The following USP34 variants were observed in gnomAD, a reference collection of about 807,000 sequenced individuals.
USP34 encodes ubiquitin carboxyl-terminal hydrolase 34.
A neutral mutation model predicts 460.3 loss-of-function variants in USP34; 70 were observed. The observed-to-expected ratio is 0.15, with a 90% CI of 0.13 to 0.19. The LOEUF (loss-of-function observed/expected upper bound fraction) is 0.19. Among genes scored for constraint, USP34 ranks in the 10% least tolerant of loss-of-function variants. The pLI is 1.00. For synonymous variants in USP34, 1,647 were observed against 1,405.3 expected, an observed-to-expected ratio of 1.17 and a Z score of -3.85; for missense variants, 3,985 against 4,236.2, an observed-to-expected ratio of 0.94 and a Z score of 1.65.
chr2:61,208,825 T>C, intron 70 of USP34, 74 bp downstream of exon 70: 1 of 1,122,664 alleles, frequency 8.9e-7, no homozygotes, highest in East Asian at 2.7e-5. Flanking sequence ...AAACTCTAAA[T>C]GTCTATAAAG....
chr2:61,418,455 C>T (rs1029509714), intron 2 of USP34, among the ~76,000 whole-genome samples: 1 of 152,100 alleles, frequency 6.6e-6, no homozygotes, highest in East Asian at 1.9e-4. Flanking sequence ...AATTTATGAC[C>T]ACTAATAATC....
At chr2:61,192,831 G>A in intron 76 of USP34, 70 bp downstream of exon 76, 1 of 1,340,824 alleles carries the variant, frequency 7.5e-7, no homozygotes, top group Non-Finnish European at 1.0e-6. Context: ...TCAACCCACT[G>A]TTCCTAAAAT....
intron 10 of USP34, among the ~76,000 whole-genome samples, chr2:61,359,372 G>A (rs1007371145): frequency 1.3e-5 from 2 of 152,018 alleles, no homozygotes; most frequent in African/African-American, 4.8e-5. Context: ...AATGGTGTTA[G>A]GAAAACTGAA....
intron 18 of USP34, among the ~76,000 whole-genome samples, chr2:61,338,311 A>C (rs1381866951): frequency 6.6e-6 from 1 of 152,228 alleles, no homozygotes; most frequent in Non-Finnish European, 1.5e-5. Flanking sequence ...ATGGAGCAAG[A>C]CTCCATGTCC....
chr2:61,340,482 A>G (rs1313060571), intron 16 of USP34, among the ~76,000 whole-genome samples: 2 of 152,190 alleles, frequency 1.3e-5, no homozygotes, highest in Non-Finnish European at 2.9e-5. Context: ...TGCTGAAAAG[A>G]TTTCCAAAGA....
At chr2:61,401,139 G>C (rs1236721125) in intron 3 of USP34, among the ~76,000 whole-genome samples, 1 of 108,626 alleles carries the variant, frequency 9.2e-6, no homozygotes, top group Non-Finnish European at 1.7e-5. Flanking sequence ...GACCAAGCAA[G>C]ACTCTGTCTC....
chr2:61,193,884 G>A (rs968439466), intron 75 of USP34, among the ~76,000 whole-genome samples: 3 of 152,214 alleles, frequency 2.0e-5, no homozygotes, highest in Non-Finnish European at 4.4e-5. Context: ...ACCCTGCTGA[G>A]GCAGTGTGAA....
chr2:61,348,030 T>C lies in USP34; in HGVS notation c.2125A>G (p.Met709Val), dbSNP rs1396832259. 20 of 1,614,070 alleles carry C rather than the reference T, an allele frequency of 1.2e-5. No homozygotes were observed. Among genetic ancestry groups the C allele is most frequent in the Non-Finnish European group, 1.4e-5 (17 of 1,180,034 alleles). ...EDPEHDISGE[M>V]NATHIAQGSQ... ...CCTTGTGCTATATGAGTAGCATTCA[T>C]TTCCCCTGAAATATCATGTTCTGGG... Residue 709 changes from methionine (M) to valine (V), a missense_variant, in exon 15 of 80, where the codon ATG (methionine) becomes GTG (valine). By Grantham distance (21) the Met-to-Val change is conservative (BLOSUM62 1). Coordinates refer to ENST00000398571, the MANE Select transcript of USP34 (RefSeq NM_014709.4).
At chr2:61,195,487 C>T (rs1330415405) in intron 75 of USP34, among the ~76,000 whole-genome samples, 1 of 151,134 alleles carries the variant, frequency 6.6e-6, no homozygotes, top group Admixed American at 6.6e-5. Context: ...GCCTGACCAA[C>T]ATGGTGAAAC....
rs146749978 is a variant in USP34, at chr2:61,429,208, G to T, written c.44-8375C>A. Among the ~76,000 whole-genome samples the T allele has an allele frequency of 6.0e-3, 911 of 152,196 alleles. 9 individuals carry two copies. Among genetic ancestry groups the T allele is most frequent in the African/African-American group, 0.021 (866 of 41,542 alleles). On this transcript the variant is annotated intron_variant, in intron 1 of 79. Coordinates refer to ENST00000398571, the MANE Select transcript of USP34 (RefSeq NM_014709.4). Reference sequence around the variant, plus strand: ...CACGCCTGTAATCCCAGCACTTTGGGAGGCCGAGGCAGGCGGATCACGAGG... The same window carrying T: ...CACGCCTGTAATCCCAGCACTTTGGTAGGCCGAGGCAGGCGGATCACGAGG...
chr2:61,220,257 A>G (rs1370895533), intron 67 of USP34, 53 bp downstream of exon 67: 20 of 1,517,154 alleles, frequency 1.3e-5, no homozygotes, highest in Admixed American at 8.2e-5. Context: ...AAAATGAAAC[A>G]TAACTTTGAA....
At position 61,204,481 on chromosome 2, in the gene USP34, CTAGA is replaced by C; in HGVS notation, c.9259+12_9259+15del. 1 of 1,612,266 alleles carries C rather than the reference CTAGA, an allele frequency of 6.2e-7. No homozygotes were observed. Among genetic ancestry groups the C allele is most frequent in the Non-Finnish European group, 8.5e-7 (1 of 1,178,398 alleles). On this transcript the variant is annotated intron_variant, in intron 73 of 79. Coordinates refer to ENST00000398571, the MANE Select transcript of USP34 (RefSeq NM_014709.4). ...ATGCGAACCATATTGAAGTACTGTGCTAGATAAATACGTACTTGGTATATTACTG... is the reference window on the plus strand; with the variant it reads ...ATGCGAACCATATTGAAGTACTGTGCTAAATACGTACTTGGTATATTACTG...
chr2:61,302,787 C>A (rs1690268670), intron 27 of USP34, among the ~76,000 whole-genome samples: 2 of 152,192 alleles, frequency 1.3e-5, no homozygotes, highest in South Asian at 2.1e-4. Flanking sequence ...TTGAATTTTT[C>A]TCCCAGGACT....
intron 43 of USP34, 61 bp downstream of exon 43, chr2:61,265,336 T>C: frequency 1.2e-5 from 19 of 1,529,686 alleles, no homozygotes; most frequent in Non-Finnish European, 1.7e-5. Flanking sequence ...AATAAAAATT[T>C]ATCAACAAAA....
intron 1 of USP34, among the ~76,000 whole-genome samples, chr2:61,451,845 AAAATT>A (rs958681231): frequency 6.6e-5 from 10 of 152,170 alleles, no homozygotes; most frequent in African/African-American, 2.4e-4. Flanking sequence ...AGATGAATAA[AAAATT>A]AAATTTAACA....
chr2:61,401,217 C>A (rs375526020), intron 3 of USP34, among the ~76,000 whole-genome samples: 27 of 150,822 alleles, frequency 1.8e-4, no homozygotes, highest in South Asian at 4.2e-4. Flanking sequence ...CTGATTATAC[C>A]ATACGTATAT....
At chr2:61,446,372 A>G (rs1365814717) in intron 1 of USP34, among the ~76,000 whole-genome samples, 1 of 152,184 alleles carries the variant, frequency 6.6e-6, no homozygotes, top group Non-Finnish European at 1.5e-5. Context: ...AGTTGAAAGT[A>G]GGAATATTTT....
rs538498543 is a variant in USP34 at position 61,358,268 on chromosome 2, A to G, written c.1252-7575T>C. Among the ~76,000 whole-genome samples the G allele has an allele frequency of 1.6e-4, 24 of 152,124 alleles. 1 individual carries two copies. The highest frequency in any genetic ancestry group is 5.3e-4 in the African/African-American group (22 of 41,544). ...TAACAAAACCAAAGGACGGTTTGTT[A>G]AAGAATTTTATAAATGACAACCCTT... On this transcript the variant is annotated intron_variant, in intron 10 of 79. Transcript: ENST00000398571.
chr2:61,239,807 G>C (rs1688193209), intron 53 of USP34, among the ~76,000 whole-genome samples: 1 of 152,066 alleles, frequency 6.6e-6, no homozygotes, highest in African/African-American at 2.4e-5. Flanking sequence ...AAGAGATTGA[G>C]ACCATCCTGG....
Sources: gnomAD v4.1 joint callset for allele counts (sites outside exome capture counted in the v4.1 genomes callset) on GRCh38, gnomAD v4.1.1 for gene constraint, MANE v1.5 for transcripts, NCBI Gene and HGNC (gene_info 2026-07-23, HGNC 2026-07-21) for gene names.